Variants in CAPN2 observed in about 807,000 individuals in gnomAD.
CAPN2 encodes calpain-2 catalytic subunit.
In CAPN2, 92 loss-of-function variants were observed where a neutral mutation model predicts 102.3. The ratio of observed to expected loss-of-function variants is 0.90; its 90% CI spans 0.76 to 1.07. The LOEUF (loss-of-function observed/expected upper bound fraction) is 1.07. CAPN2 is among the 50% of genes least tolerant of loss of function. The pLI is 0.00. For missense variants in CAPN2, 800 were observed against 909.4 expected (o/e 0.88, Z 1.55); for synonymous variants, 340 against 355.4 (o/e 0.96, Z 0.49).
intron 16 of CAPN2, among the ~76,000 whole-genome samples, chr1:223,769,036 C>T (rs1449261121): frequency 6.6e-6 from 1 of 152,160 alleles, no homozygotes; most frequent in Non-Finnish European, 1.5e-5. Context: ...TCATCCATTT[C>T]CCCCTTGTTT....
Position 223,753,736 on chromosome 1 carries a change from C to G in CAPN2, c.1135+780C>G, listed in dbSNP as rs116641655. On this transcript the variant is annotated intron_variant, in intron 9 of 20. Coordinates refer to ENST00000295006, the MANE Select transcript of CAPN2 (RefSeq NM_001748.5). ...TTGACCTCAGGTGACAGGTCGCAGTCAAAACACAGTCAAAACTTTGTTTCA... is the reference window on the plus strand; with the variant it reads ...TTGACCTCAGGTGACAGGTCGCAGTGAAAACACAGTCAAAACTTTGTTTCA... 8.2e-3 allele frequency among the ~76,000 whole-genome samples: 1,253 copies of G among 152,286 alleles called. 21 individuals carry two copies. Among genetic ancestry groups the G allele is most frequent in the African/African-American group, 0.029 (1,200 of 41,552 alleles).
intron 20 of CAPN2, chr1:223,773,390 C>G (rs577227087): frequency 6.6e-6 from 1 of 152,222 alleles, no homozygotes; most frequent in Non-Finnish European, 1.5e-5. Flanking sequence ...AACCGCGTCT[C>G]TACTGAAAAT....
rs537151564 is a variant in CAPN2 at position 223,719,841 on chromosome 1, C to T, written c.307+2010C>T. ...GTGTGTGTGTGTGTGTGCGCGCGCG[C>T]GCGTATAATGCAGTATTGGTCATTT... On this transcript the variant is annotated intron_variant, in intron 2 of 20. Coordinates refer to ENST00000295006, the MANE Select transcript of CAPN2 (RefSeq NM_001748.5). Among the ~76,000 whole-genome samples, 613 of 143,350 alleles carry T rather than the reference C, an allele frequency of 4.3e-3. 3 individuals are homozygous for T. The highest frequency in any genetic ancestry group is 7.9e-3 in the Non-Finnish European group (495 of 62,988). The allele number at this position is 143,350 out of a possible 152,430, so 94.0% of individuals were successfully genotyped here.
intron 8 of CAPN2, among the ~76,000 whole-genome samples, chr1:223,752,324 C>T (rs371976323): frequency 1.3e-5 from 2 of 152,138 alleles, no homozygotes; most frequent in African/African-American, 4.8e-5. Context: ...AGAGGAATTC[C>T]TTTGGTAATG....
Position 223,751,106 on chromosome 1 carries a change from A to G in CAPN2, c.899+131A>G, listed in dbSNP as rs933409631. The G allele has an allele frequency of 4.6e-5, 38 of 826,366 alleles. No individual in the cohort carries two copies. The Middle Eastern group carries it at 1.0e-3, about 23-fold the overall frequency. 51.2% of individuals were successfully genotyped at this position (826,366 alleles called of 1,614,324 possible). A position where few individuals can be genotyped will look rare whatever the true frequency, so the allele number is the denominator to read the frequency against. ...AGCCAGGAGAGCCCAGGCCACGTGGACAGGGACCCGTGGACAGGGGCCCCT... is the reference window on the plus strand; with the variant it reads ...AGCCAGGAGAGCCCAGGCCACGTGGGCAGGGACCCGTGGACAGGGGCCCCT... On this transcript the variant is annotated intron_variant, in intron 7 of 20. Coordinates refer to ENST00000295006, the MANE Select transcript of CAPN2 (RefSeq NM_001748.5).
intron 6 of CAPN2, 77 bp from the exon 7 acceptor site, chr1:223,750,813 G>C: frequency 1.5e-6 from 2 of 1,342,286 alleles, no homozygotes; most frequent in East Asian, 2.5e-5. Context: ...TCATGCGGAA[G>C]GGGGTTGGAG....
chr1:223,737,704 G>GGGTT (rs1553254041), intron 2 of CAPN2, among the ~76,000 whole-genome samples: 3 of 25,322 alleles, frequency 1.2e-4, no homozygotes, highest in African/African-American at 2.5e-4. Context: ...AAAAGAGACG[G>GGGTT]GGCGGGGGGT....
At chr1:223,733,846 A>G (rs1210671419) in intron 2 of CAPN2, among the ~76,000 whole-genome samples, 1 of 152,230 alleles carries the variant, frequency 6.6e-6, no homozygotes, top group Non-Finnish European at 1.5e-5. Flanking sequence ...AATGACACTA[A>G]AAAGTCTTTG....
Position 223,717,427 on chromosome 1 carries a change from A to G in CAPN2, c.238-335A>G, listed in dbSNP as rs28370021. Among the ~76,000 whole-genome samples, 594 of 152,298 alleles carry G rather than the reference A, an allele frequency of 3.9e-3. 3 individuals are homozygous for G. Among genetic ancestry groups the G allele is most frequent in the Middle Eastern group, 0.02 (6 of 294 alleles). On this transcript the variant is annotated intron_variant, in intron 1 of 20. Transcript: ENST00000295006. ...CTAACCCAGTGGATAGGGTGGCTCT[A>G]GAGTGTGGATGGTCTCCACGTCTGG...
At chr1:223,753,928 T>G (rs1302705849) in intron 9 of CAPN2, among the ~76,000 whole-genome samples, 1 of 152,204 alleles carries the variant, frequency 6.6e-6, no homozygotes, top group Non-Finnish European at 1.5e-5. Context: ...TAGGAAACAC[T>G]TCTGGCCCCA....
At chr1:223,713,956 A>G (rs144839277) in intron 1 of CAPN2, among the ~76,000 whole-genome samples, 116 of 152,326 alleles carry the variant, frequency 7.6e-4, no homozygotes, top group African/African-American at 2.8e-3. Context: ...TTTGTGGCCC[A>G]CTAGGCCCTG....
At chr1:223,752,209 A>G (rs987709450) in intron 8 of CAPN2, 138 bp downstream of exon 8, 7 of 635,408 alleles carry the variant, frequency 1.1e-5, no homozygotes, top group African/African-American at 3.7e-5. Context: ...TGGTTTTGTT[A>G]TTTTAAGTTC....
At chr1:223,715,249 G>A (rs1659846722) in intron 1 of CAPN2, among the ~76,000 whole-genome samples, 1 of 152,168 alleles carries the variant, frequency 6.6e-6, no homozygotes. Flanking sequence ...AAGCCAGATT[G>A]TTGTAGACTC....
intron 2 of CAPN2, among the ~76,000 whole-genome samples, chr1:223,720,315 CTTTT>C (rs35138708): frequency 9.3e-6 from 1 of 107,490 alleles, no homozygotes; most frequent in Admixed American, 1.2e-4. Flanking sequence ...CTCTTTCTCT[CTTTT>C]TTTTTTTTTT....
At chr1:223,716,369 C>G (rs757988645) in intron 1 of CAPN2, among the ~76,000 whole-genome samples, 8 of 152,246 alleles carry the variant, frequency 5.3e-5, no homozygotes, top group Non-Finnish European at 1.2e-4. Flanking sequence ...CAAGCCCAAT[C>G]TATTCCATCA....
chr1:223,718,294 G>A (rs573952397), intron 2 of CAPN2, among the ~76,000 whole-genome samples: 58 of 152,350 alleles, frequency 3.8e-4, no homozygotes, highest in African/African-American at 1.4e-3. Flanking sequence ...TCTAATGCTC[G>A]CTGCTGAAGG....
Position 223,727,816 on chromosome 1 carries a change from C to T in CAPN2, c.307+9985C>T, listed in dbSNP as rs1660238675. ...GGAACACAGCAAAGGAGGAGAAGGG[C>T]CCTCCCTGCTTCTTGGAGAATGGTT... On this transcript the variant is annotated intron_variant, in intron 2 of 20. Transcript: ENST00000295006. The surrounding 1 kb of genome is among the most constrained non-coding windows in gnomAD (Gnocchi z 4.1). Among the ~76,000 whole-genome samples, 1 of 152,132 alleles carries T rather than the reference C, an allele frequency of 6.6e-6. No homozygotes were observed. The highest frequency in any genetic ancestry group is 1.5e-5 in the Non-Finnish European group (1 of 68,026).
intron 1 of CAPN2, among the ~76,000 whole-genome samples, chr1:223,703,461 G>A (rs182001801): frequency 1.3e-5 from 2 of 152,118 alleles, no homozygotes; most frequent in African/African-American, 4.8e-5. Context: ...TTCTCTCCAG[G>A]CTGCTCCAGC....
Position 223,745,401 on chromosome 1 carries a change from C to T in CAPN2, c.522C>T (p.Ser174=), listed in dbSNP as rs775415945. 19 of 1,614,182 alleles carry T rather than the reference C, an allele frequency of 1.2e-5. No individual in the cohort carries two copies. Among genetic ancestry groups the T allele is most frequent in the East Asian group, 4.5e-5 (2 of 44,882 alleles). Reference sequence around the variant, plus strand: ...TCTTTGTGCATTCAGCCGAAGGGAGCGAGTTCTGGAGCGCCCTGCTGGAGA... The same window carrying T: ...TCTTTGTGCATTCAGCCGAAGGGAGTGAGTTCTGGAGCGCCCTGCTGGAGA... ...ELLFVHSAEG[S]EFWSALLEKA... Residue 174 remains serine (S), a synonymous_variant, in exon 4 of 21, where the codon AGC becomes AGT. Transcript: ENST00000295006.
Sources: allele counts gnomAD v4.1 joint callset (sites outside exome capture counted in the v4.1 genomes callset), GRCh38; gene constraint gnomAD v4.1.1; non-coding constraint Gnocchi (gnomAD v3.1); transcripts MANE v1.5; gene names NCBI Gene and HGNC (gene_info 2026-07-23, HGNC 2026-07-21).